CCDC43: variants seen among roughly 807,000 people sequenced by gnomAD.
CCDC43 encodes coiled-coil domain-containing protein 43.
A neutral mutation model predicts 33.3 loss-of-function variants in CCDC43; 20 were observed. The ratio of observed to expected loss-of-function variants is 0.60; its 90% CI spans 0.42 to 0.87. The LOEUF (loss-of-function observed/expected upper bound fraction) is 0.87. Among genes scored for constraint, CCDC43 ranks in the 40% least tolerant of loss-of-function variants. The probability of loss-of-function intolerance (pLI) is 0.00; values close to 1 mark genes in which losing one functional copy is unlikely to be tolerated. For missense variants in CCDC43, 248 were observed against 269.9 expected (o/e 0.92, Z 0.57); for synonymous variants, 104 against 106.5 (o/e 0.98, Z 0.14).
chr17:44,689,661 C>T lies in CCDC43; in HGVS notation c.93G>A (p.Glu31=). Residue 31 remains glutamate (E), a synonymous_variant, in exon 1 of 5, where the codon GAG becomes GAA. Coordinates refer to ENST00000315286, the MANE Select transcript of CCDC43 (RefSeq NM_144609.3). The part of the protein sequence containing the change: ...GFGSWLDGRL[E]ALGVDRAVYG... ...AAACGGCTCGGTCCACTCCCAGTGCCTCCAACCGTCCGTCCAGCCAGGAGC... is the reference window on the plus strand; with the variant it reads ...AAACGGCTCGGTCCACTCCCAGTGCTTCCAACCGTCCGTCCAGCCAGGAGC... The T allele has an allele frequency of 6.2e-7, 1 of 1,613,528 alleles. No homozygotes were observed. The highest frequency in any genetic ancestry group is 8.5e-7 in the Non-Finnish European group (1 of 1,179,720).
intron 1 of CCDC43, among the ~76,000 whole-genome samples, chr17:44,685,299 T>C (rs937280816): frequency 3.3e-5 from 5 of 152,140 alleles, no homozygotes; most frequent in African/African-American, 1.2e-4. Flanking sequence ...TTCCCTAAGG[T>C]TATCAACTTT....
intron 3 of CCDC43, 145 bp from the exon 4 acceptor site, chr17:44,680,788 C>A: frequency 3.3e-6 from 2 of 605,816 alleles, no homozygotes; most frequent in South Asian, 2.2e-5. Context: ...GGAGATTCAT[C>A]TTTGGAAACC....
intron 4 of CCDC43, among the ~76,000 whole-genome samples, chr17:44,680,335 A>G (rs912327485): frequency 2.0e-5 from 3 of 152,158 alleles, no homozygotes; most frequent in African/African-American, 7.2e-5. Context: ...CTCAGAGTAT[A>G]GATTTTTATT....
At chr17:44,682,184 A>G in intron 2 of CCDC43, 46 bp from the exon 3 acceptor site, 1 of 1,611,446 alleles carries the variant, frequency 6.2e-7, no homozygotes, top group African/African-American at 1.3e-5. Flanking sequence ...AGAGAGAACA[A>G]GCTCACTGAA....
At chr17:44,685,350 A>T (rs17627539) in intron 1 of CCDC43, among the ~76,000 whole-genome samples, 2,749 of 152,312 alleles carry the variant, frequency 0.018, 49 homozygotes, top group Middle Eastern at 0.027. Context: ...CACATAATAA[A>T]GAGGAGATAC....
chr17:44,686,042 C>G lies in CCDC43; in HGVS notation c.205-2083G>C, dbSNP rs1425092352. On this transcript the variant is annotated intron_variant, in intron 1 of 4. Coordinates refer to ENST00000315286, the MANE Select transcript of CCDC43 (RefSeq NM_144609.3). ...CATTATCCTGCCTCAGCCTCCCAAG[C>G]AGCTGGGACTACAGGCGCCCGCCAC... is the stretch of plus-strand genomic sequence containing the variant. 3.3e-5 allele frequency among the ~76,000 whole-genome samples: 5 copies of G among 152,182 alleles called. No individual in the cohort carries two copies. In the East Asian group the frequency reaches 9.7e-4, roughly 29 times the overall value.
chr17:44,689,718 A>AG lies in CCDC43; in HGVS notation c.35dup (p.Gly13TrpfsTer63). ...CGCCGCCTCCGCCATCGCCTTCGCC[A>AG]GGGGCTATCGCGGCCACTTCGCTGG... On this transcript the variant is annotated frameshift_variant, in exon 1 of 5. Transcript: ENST00000315286. LOFTEE classifies it high-confidence loss of function. 6.3e-7 allele frequency: 1 copy of AG among 1,592,174 alleles called. No homozygotes were observed. The highest frequency in any genetic ancestry group is 8.5e-7 in the Non-Finnish European group (1 of 1,170,172).
At chr17:44,681,737 C>T in intron 3 of CCDC43, 1 of 418,896 alleles carries the variant, frequency 2.4e-6, no homozygotes, top group Non-Finnish European at 4.3e-6. Context: ...TTTCTGAAAG[C>T]ATAATATAAA....
Position 44,684,030 on chromosome 17 carries a change from T to A in CCDC43, c.205-71A>T, listed in dbSNP as rs1972199367. 6.2e-6 allele frequency: 6 copies of A among 969,554 alleles called. No individual in the cohort carries two copies. In the South Asian group the frequency reaches 6.7e-5, roughly 11 times the overall value. 60.1% of individuals were successfully genotyped at this position (969,554 alleles called of 1,614,324 possible). ...AAACAATAGTAACCTCAAAAAAGCCTATGAAGAAAGCACAGCTCTCCATGC... is the reference window on the plus strand; with the variant it reads ...AAACAATAGTAACCTCAAAAAAGCCAATGAAGAAAGCACAGCTCTCCATGC... On this transcript the variant is annotated intron_variant, in intron 1 of 4. Coordinates refer to ENST00000315286, the MANE Select transcript of CCDC43 (RefSeq NM_144609.3).
chr17:44,681,886 T>A, intron 3 of CCDC43, 117 bp downstream of exon 3: 1 of 1,266,702 alleles, frequency 7.9e-7, no homozygotes, highest in South Asian at 1.4e-5. Flanking sequence ...ACTGCCATTT[T>A]AGAGGGGAAA....
intron 4 of CCDC43, among the ~76,000 whole-genome samples, chr17:44,679,855 C>A (rs909677890): frequency 2.0e-5 from 3 of 151,750 alleles, no homozygotes; most frequent in Non-Finnish European, 4.4e-5. Flanking sequence ...GATCGCACCA[C>A]TGCACTCCAG....
chr17:44,686,070 C>A (rs924465148), intron 1 of CCDC43, among the ~76,000 whole-genome samples: 11 of 152,160 alleles, frequency 7.2e-5, no homozygotes, highest in Non-Finnish European at 1.2e-4. Flanking sequence ...CCCGCCACCA[C>A]GCCCAGCTAA....
At chr17:44,684,500 C>T (rs1249478504) in intron 1 of CCDC43, among the ~76,000 whole-genome samples, 1 of 151,964 alleles carries the variant, frequency 6.6e-6, no homozygotes, top group Non-Finnish European at 1.5e-5. Flanking sequence ...GAGTTCAAGA[C>T]CAGCCTGGCC....
chr17:44,687,957 T>C (rs971405585), intron 1 of CCDC43: 2 of 152,204 alleles, frequency 1.3e-5, no homozygotes, highest in Non-Finnish European at 2.9e-5. Flanking sequence ...GCCAGAAGAA[T>C]CTGGGACAGC....
At chr17:44,681,299 G>A (rs985692425) in intron 3 of CCDC43, among the ~76,000 whole-genome samples, 5 of 152,106 alleles carry the variant, frequency 3.3e-5, no homozygotes, top group South Asian at 2.1e-4. Context: ...TTAGCTGGGC[G>A]TGGTGGCACG....
intron 1 of CCDC43, 41 bp from the exon 2 acceptor site, chr17:44,684,000 C>T (rs1972198766): frequency 1.5e-6 from 2 of 1,334,894 alleles, no homozygotes; most frequent in South Asian, 2.4e-5. Flanking sequence ...TGAGGGAGCC[C>T]TCAAAAACAA....
Position 44,689,579 on chromosome 17 carries a change from C to A in CCDC43, c.175G>T (p.Ala59Ser). 1 of 1,614,010 alleles carries A rather than the reference C, an allele frequency of 6.2e-7. No homozygotes were observed. Among genetic ancestry groups the A allele is most frequent in the Non-Finnish European group, 8.5e-7 (1 of 1,179,888 alleles). ...QEEEEEEKLD[A>S]LQGILSAFLE... ...AAAGCAGAGAGGATCCCCTGCAGAGCGTCCAGCTTCTCTTCTTCCTCCTCC... is the reference window on the plus strand; with the variant it reads ...AAAGCAGAGAGGATCCCCTGCAGAGAGTCCAGCTTCTCTTCTTCCTCCTCC... The change falls in exon 1 of 5, where the codon GCT becomes TCT. Residue 59 changes from alanine (A) to serine (S), a missense_variant. Coordinates refer to ENST00000315286, the MANE Select transcript of CCDC43 (RefSeq NM_144609.3).
chr17:44,681,101 A>C (rs1972152687), intron 3 of CCDC43, among the ~76,000 whole-genome samples: 2 of 152,156 alleles, frequency 1.3e-5, no homozygotes, highest in African/African-American at 2.4e-5. Context: ...ATGTCACCGG[A>C]ACCATAGCTC....
At position 44,680,660 on chromosome 17, in the gene CCDC43, A is replaced by G; in HGVS notation, c.429-17T>C. The stretch of plus-strand genomic sequence containing the variant: ...TCTGCTTCAGTAAGTGATGTTAAGG[A>G]AAGTCAGATGGAAAACAACATCCCA... On this transcript the variant is annotated splice_polypyrimidine_tract_variant and intron_variant, in intron 3 of 4. Transcript: ENST00000315286. 2 of 1,598,164 alleles carry G rather than the reference A, an allele frequency of 1.3e-6. No homozygotes were observed. Among genetic ancestry groups the G allele is most frequent in the Non-Finnish European group, 1.7e-6 (2 of 1,166,344 alleles).
Sources: gnomAD v4.1 joint callset for allele counts (sites outside exome capture counted in the v4.1 genomes callset) on GRCh38, gnomAD v4.1.1 for gene constraint, MANE v1.5 for transcripts, NCBI Gene and HGNC (gene_info 2026-07-23, HGNC 2026-07-21) for gene names.